The following MKNK1 variants were observed in gnomAD, a reference collection of about 807,000 sequenced individuals.
MKNK1 encodes the protein MAP kinase-interacting serine/threonine-protein kinase 1.
In MKNK1, 30 loss-of-function variants were observed where a neutral mutation model predicts 49.3. The observed-to-expected ratio is 0.61, with a 90% confidence interval of 0.46 to 0.83. The LOEUF (loss-of-function observed/expected upper bound fraction) is 0.83, where lower values mean the gene tolerates loss of function less well. Among genes scored for constraint, MKNK1 ranks in the 40% least tolerant of loss-of-function variants. MKNK1 has a pLI of 0.00. For synonymous variants in MKNK1, 176 were observed against 201.7 expected (o/e 0.87, Z 1.08); for missense variants, 423 against 524.7 (o/e 0.81, Z 1.89).
intron 7 of MKNK1, chr1:46,569,430 C>T (rs944168557): frequency 1.3e-5 from 2 of 152,272 alleles, no homozygotes; most frequent in East Asian, 3.8e-4. Context: ...AGAAACCTCC[C>T]TTTTGTCTTT....
intron 2 of MKNK1, among the ~76,000 whole-genome samples, chr1:46,584,156 C>G (rs1672160110): frequency 6.6e-6 from 1 of 152,204 alleles, no homozygotes; most frequent in Non-Finnish European, 1.5e-5. Flanking sequence ...AAAGAATAAG[C>G]AGGACACTGA....
chr1:46,579,138 T>C lies in MKNK1; in HGVS notation c.198+1392A>G, dbSNP rs78834479. ...TGTTTCCCAAAAGAAATTAAGACAGTGCTCTTGTTACCATGTGAAGCAATA... is the reference window on the plus strand; with the variant it reads ...TGTTTCCCAAAAGAAATTAAGACAGCGCTCTTGTTACCATGTGAAGCAATA... On this transcript the variant is annotated intron_variant, in intron 4 of 12. Coordinates refer to ENST00000371945, the MANE Select transcript of MKNK1 (RefSeq NM_001135553.4). 4.8e-3 allele frequency among the ~76,000 whole-genome samples: 736 copies of C among 152,338 alleles called. 6 individuals are homozygous for C. The highest frequency in any genetic ancestry group is 0.017 in the African/African-American group (708 of 41,580).
At chr1:46,561,372 C>T in intron 11 of MKNK1, 106 bp downstream of exon 11, 1 of 1,305,876 alleles carries the variant, frequency 7.7e-7, no homozygotes, top group South Asian at 1.5e-5. Context: ...TCTTCAGCTG[C>T]ACCAGCCACA....
chr1:46,570,681 T>G (rs556050985), intron 7 of MKNK1, among the ~76,000 whole-genome samples: 4 of 152,336 alleles, frequency 2.6e-5, no homozygotes, highest in Admixed American at 6.5e-5. Flanking sequence ...AGTCACAAGT[T>G]ATTCATTTCA....
intron 1 of MKNK1, among the ~76,000 whole-genome samples, chr1:46,596,895 GA>G (rs1005033612): frequency 9.2e-5 from 14 of 152,336 alleles, no homozygotes; most frequent in Admixed American, 7.8e-4. Context: ...GGCAGAGAGA[GA>G]ATGTGGAGGT....
At chr1:46,591,159 A>G (rs1221926415) in intron 2 of MKNK1, among the ~76,000 whole-genome samples, 1 of 152,202 alleles carries the variant, frequency 6.6e-6, no homozygotes, top group Non-Finnish European at 1.5e-5. Flanking sequence ...GATTTAACAC[A>G]TGATGGATGA....
intron 12 of MKNK1, among the ~76,000 whole-genome samples, chr1:46,559,971 G>A (rs1002015746): frequency 2.0e-5 from 3 of 152,180 alleles, no homozygotes; most frequent in African/African-American, 7.2e-5. Flanking sequence ...ACAGTTCAAT[G>A]GGCAAAACAG....
At chr1:46,564,497 A>T (rs1308305586) in intron 9 of MKNK1, among the ~76,000 whole-genome samples, 1 of 27,190 alleles carries the variant, frequency 3.7e-5, no homozygotes, top group African/African-American at 2.4e-4. Flanking sequence ...TTTTTTTGAG[A>T]CGGAGTTTTG....
chr1:46,600,525 T>G (rs1054235228), intron 1 of MKNK1, among the ~76,000 whole-genome samples: 4 of 152,250 alleles, frequency 2.6e-5, no homozygotes, highest in African/African-American at 9.6e-5. Flanking sequence ...GTGGGCTTGT[T>G]TCATTCCTTC....
intron 7 of MKNK1, among the ~76,000 whole-genome samples, chr1:46,570,812 A>G (rs564523848): frequency 7.9e-5 from 12 of 152,258 alleles, no homozygotes; most frequent in Non-Finnish European, 1.6e-4. Flanking sequence ...ATGACATACC[A>G]GGAACTATGC....
At position 46,560,180 on chromosome 1, in the gene MKNK1, T is replaced by C. The variant is rs542400509; in HGVS notation, c.1013+54A>G. The C allele has an allele frequency of 4.4e-6, 7 of 1,600,280 alleles. No homozygotes were observed. The East Asian group carries it at 1.6e-4, about 36-fold the overall frequency. On this transcript the variant is annotated intron_variant, in intron 12 of 12. Coordinates refer to ENST00000371945, the MANE Select transcript of MKNK1 (RefSeq NM_001135553.4). The stretch of plus-strand genomic sequence containing the variant: ...TGGGCTCCCCCGGCCCCCACCCCCA[T>C]GGTGGCTGAGAGCTTGAGGAAGAGC...
At chr1:46,569,796 A>G (rs951441914) in intron 7 of MKNK1, 1 of 152,270 alleles carries the variant, frequency 6.6e-6, no homozygotes, top group Admixed American at 6.5e-5. Flanking sequence ...AAAGTGGAAG[A>G]TATTTTCCAT....
intron 3 of MKNK1, among the ~76,000 whole-genome samples, chr1:46,580,850 T>C (rs1671627134): frequency 6.6e-6 from 1 of 152,172 alleles, no homozygotes; most frequent in South Asian, 2.1e-4. Context: ...ATTTTAGCGA[T>C]GAGGTTAGCA....
intron 1 of MKNK1, among the ~76,000 whole-genome samples, chr1:46,595,929 G>A (rs1674008992): frequency 6.6e-6 from 1 of 152,052 alleles, no homozygotes; most frequent in African/African-American, 2.4e-5. Flanking sequence ...TGTATTTTTT[G>A]TAGACACAGG....
At chr1:46,587,496 G>A (rs1178043603) in intron 2 of MKNK1, among the ~76,000 whole-genome samples, 1 of 152,054 alleles carries the variant, frequency 6.6e-6, no homozygotes. Flanking sequence ...AAACACACCC[G>A]CCCTGTCTAC....
chr1:46,583,786 C>T lies in MKNK1; in HGVS notation c.-2-457G>A, dbSNP rs1380033424. Among the ~76,000 whole-genome samples the T allele has an allele frequency of 3.3e-5, 5 of 152,158 alleles. No individual in the cohort carries two copies. The East Asian group carries it at 5.8e-4, about 18-fold the overall frequency. On this transcript the variant is annotated intron_variant, in intron 2 of 12. Transcript: ENST00000371945. Reference sequence around the variant, plus strand: ...AGATGAGTCATAGGCTCAGCAACATCGCTATGGATGCACACAGGGCACAAA... The same window carrying T: ...AGATGAGTCATAGGCTCAGCAACATTGCTATGGATGCACACAGGGCACAAA...
intron 3 of MKNK1, among the ~76,000 whole-genome samples, chr1:46,581,382 C>T (rs1047543716): frequency 1.3e-5 from 2 of 151,700 alleles, no homozygotes; most frequent in Non-Finnish European, 1.5e-5. Context: ...TGGTGGCACG[C>T]GCCTAAAGTC....
intron 4 of MKNK1, among the ~76,000 whole-genome samples, chr1:46,577,962 C>G (rs1015800859): frequency 6.6e-6 from 1 of 152,266 alleles, no homozygotes; most frequent in Non-Finnish European, 1.5e-5. Flanking sequence ...TGATGTGGCA[C>G]AGACATCTGT....
intron 3 of MKNK1, among the ~76,000 whole-genome samples, chr1:46,582,294 C>T (rs1290865575): frequency 1.3e-5 from 2 of 152,146 alleles, no homozygotes; most frequent in Admixed American, 6.5e-5. Flanking sequence ...ACGGTTTGGT[C>T]TTTCAGTTGT....
Sources: gnomAD v4.1 joint callset for allele counts (sites outside exome capture counted in the v4.1 genomes callset) on GRCh38, gnomAD v4.1.1 for gene constraint, MANE v1.5 for transcripts, NCBI Gene and HGNC (gene_info 2026-07-23, HGNC 2026-07-21) for gene names.